ZNF667: variants seen among roughly 807,000 people sequenced by gnomAD.
ZNF667 encodes zinc finger protein 667, also known as myocardial ischemic preconditioning upregulated 1 ortholog.
ZNF667 carries 13 observed loss-of-function variants against 31.8 expected under a neutral mutation model. That is an observed-to-expected ratio of 0.41 (90% CI 0.27 to 0.65). ZNF667 has a LOEUF of 0.65. ZNF667 is among the 30% of genes least tolerant of loss of function. The pLI, the probability that ZNF667 is intolerant of heterozygous loss-of-function variation, is 0.32. For synonymous variants in ZNF667, 228 were observed against 247.1 expected (o/e 0.92, Z 0.73); for missense variants, 642 against 725.6 (o/e 0.88, Z 1.32).
chr19:56,461,743 G>A (rs1156588573), intron 4 of ZNF667, among the ~76,000 whole-genome samples: 2 of 152,210 alleles, frequency 1.3e-5, no homozygotes, highest in Non-Finnish European at 2.9e-5. Context: ...ATGCCTGTTG[G>A]AAAAACCACT....
intron 6 of ZNF667, chr19:56,449,299 C>T (rs2042769800): frequency 2.3e-6 from 1 of 436,032 alleles, no homozygotes; most frequent in Middle Eastern, 3.5e-4. Context: ...GAAAACATGA[C>T]CTCACCAAAT....
intron 4 of ZNF667, 81 bp from the exon 5 acceptor site, chr19:56,460,896 C>T (rs2043032031): frequency 1.7e-5 from 23 of 1,387,510 alleles, no homozygotes; most frequent in Non-Finnish European, 2.2e-5. Flanking sequence ...ACATCTTAAA[C>T]ATGGGAGACA....
intron 6 of ZNF667, among the ~76,000 whole-genome samples, chr19:56,444,557 AC>A (rs200338355): frequency 7.9e-4 from 104 of 132,342 alleles, no homozygotes; most frequent in African/African-American, 2.1e-3. Flanking sequence ...ATCACCTCCC[AC>A]CAGACCCCAC....
rs925267463 is a variant in ZNF667, at chr19:56,458,054, G to C, written c.253+101C>G. 2.9e-5 allele frequency: 31 copies of C among 1,058,646 alleles called. 1 individual carries two copies. The highest frequency in any genetic ancestry group is 2.5e-4 in the South Asian group (19 of 76,238). 65.6% of individuals were successfully genotyped at this position (1,058,646 alleles called of 1,614,324 possible). On this transcript the variant is annotated intron_variant, in intron 6 of 6. Transcript: ENST00000504904. ...TGGACTTCTCAGCCTCCAGAACTGT[G>C]AGAAGTAGATTTCTGGTGTTTGTAA...
chr19:56,449,299 C>A, intron 6 of ZNF667: 1 of 436,032 alleles, frequency 2.3e-6, no homozygotes, highest in Non-Finnish European at 4.6e-6. Flanking sequence ...GAAAACATGA[C>A]CTCACCAAAT....
chr19:56,463,173 G>A (rs2043085919), intron 3 of ZNF667, among the ~76,000 whole-genome samples: 1 of 152,116 alleles, frequency 6.6e-6, no homozygotes, highest in South Asian at 2.1e-4. Flanking sequence ...TGGGGGAGGA[G>A]GGGGAGCTGA....
rs745836141 is a variant in ZNF667 at position 56,462,706 on chromosome 19, AC to A, written c.-59-278del. ...CTGGCCATCCATCTGACAAGTATTT[AC>A]TGAGCACCTACTGGGTGTCCAGCTG... On this transcript the variant is annotated intron_variant, in intron 3 of 6. Coordinates refer to ENST00000504904, the MANE Select transcript of ZNF667 (RefSeq NM_001321356.2). Among the ~76,000 whole-genome samples, 9 of 152,312 alleles carry A rather than the reference AC, an allele frequency of 5.9e-5. No individual in the cohort carries two copies. The South Asian group carries it at 1.0e-3, about 18-fold the overall frequency.
chr19:56,455,243 T>G (rs563860956), intron 6 of ZNF667, among the ~76,000 whole-genome samples: 1 of 152,308 alleles, frequency 6.6e-6, no homozygotes, highest in South Asian at 2.1e-4. Flanking sequence ...GTACAGCCAC[T>G]ATTGACAACA....
chr19:56,442,064 T>C lies in ZNF667; in HGVS notation c.931A>G (p.Asn311Asp), dbSNP rs1191055994. 4 of 1,614,014 alleles carry C rather than the reference T, an allele frequency of 2.5e-6. No individual in the cohort carries two copies. The highest frequency in any genetic ancestry group is 3.4e-6 in the Non-Finnish European group (4 of 1,180,022). ...AGACTCTGACTTAAGGCCTTCGCAT[T>C]TTCAGGGATTTTCTCTCCAGCATGA... ...RIHAGEKIPENAKALSQSLQQ... is the reference protein window; with the variant it reads ...RIHAGEKIPEDAKALSQSLQQ... Residue 311 changes from asparagine to aspartate, a missense_variant, in exon 7 of 7, where the codon AAT (asparagine) becomes GAT (aspartate). Physicochemically the swap from Asn to Asp is conservative, Grantham distance 23. Transcript: ENST00000504904.
intron 6 of ZNF667, among the ~76,000 whole-genome samples, chr19:56,452,090 C>G (rs183021097): frequency 6.8e-6 from 1 of 147,766 alleles, no homozygotes; most frequent in East Asian, 2.0e-4. Context: ...CTCTTGTTGT[C>G]CAGGCTGGAG....
Position 56,476,148 on chromosome 19 carries a change from G to A in ZNF667, c.-662+1124C>T, listed in dbSNP as rs537302436. On this transcript the variant is annotated intron_variant, in intron 1 of 6. Coordinates refer to ENST00000504904, the MANE Select transcript of ZNF667 (RefSeq NM_001321356.2). The stretch of plus-strand genomic sequence containing the variant: ...TGGTGGACTTAAGTAAGCTCTCTCA[G>A]TCACACAGCCAGCCAGTGGTGAAAC... 2.0e-5 allele frequency among the ~76,000 whole-genome samples: 3 copies of A among 152,266 alleles called. No homozygotes were observed. The South Asian group carries it at 6.2e-4, about 32-fold the overall frequency.
At chr19:56,478,090 C>T (rs574401152), upstream of ZNF667, 3 of 152,482 alleles carry the variant, frequency 2.0e-5, no homozygotes, top group African/African-American at 7.2e-5. Flanking sequence ...CTACATTTCC[C>T]AACGGCCCCT....
intron 6 of ZNF667, among the ~76,000 whole-genome samples, chr19:56,445,162 T>G (rs372859396): frequency 5.0e-3 from 3 of 596 alleles, no homozygotes; most frequent in African/African-American, 0.019. Context: ...CAACACTGAG[T>G]ATTAAATTTC....
chr19:56,467,089 C>T (rs1348182361), intron 3 of ZNF667: 2 of 456,170 alleles, frequency 4.4e-6, no homozygotes, highest in Admixed American at 4.7e-5. Flanking sequence ...GGGCGGGGTC[C>T]CATGCAGGTG....
intron 6 of ZNF667, among the ~76,000 whole-genome samples, chr19:56,446,893 C>T (rs1399630334): frequency 6.6e-6 from 1 of 152,256 alleles, no homozygotes; most frequent in East Asian, 1.9e-4. Flanking sequence ...GCTTCCCTTC[C>T]TTTTCCTTTG....
At chr19:56,469,028 C>A (rs1418608847) in intron 3 of ZNF667, 1 of 152,258 alleles carries the variant, frequency 6.6e-6, no homozygotes, top group Non-Finnish European at 1.5e-5. Flanking sequence ...GACCCTTCCA[C>A]TATTTCCTTC....
chr19:56,450,560 A>C (rs1037515774), intron 6 of ZNF667, among the ~76,000 whole-genome samples: 1 of 152,210 alleles, frequency 6.6e-6, no homozygotes, highest in Non-Finnish European at 1.5e-5. Context: ...GTAACTGCAC[A>C]GATAAATACA....
In ZNF667 at chr19:56,472,800, C is replaced by T. The variant is rs935528423; in HGVS notation, c.-548-613G>A. ...ACCAGTAGACTATTAGTACTTAAGTCTTTGGGGAGTGAAAACTCTATGTGG... is the reference window on the plus strand; with the variant it reads ...ACCAGTAGACTATTAGTACTTAAGTTTTTGGGGAGTGAAAACTCTATGTGG... On this transcript the variant is annotated intron_variant, in intron 2 of 6. Coordinates refer to ENST00000504904, the MANE Select transcript of ZNF667 (RefSeq NM_001321356.2). 1.3e-5 allele frequency: 2 copies of T among 152,270 alleles called. 1 individual carries two copies. The highest frequency in any genetic ancestry group is 4.1e-4 in the South Asian group (2 of 4,824). 9.4% of individuals were successfully genotyped at this position (152,270 alleles called of 1,614,324 possible).
At chr19:56,459,311 C>A (rs1244499859) in intron 5 of ZNF667, among the ~76,000 whole-genome samples, 2 of 152,312 alleles carry the variant, frequency 1.3e-5, no homozygotes, top group South Asian at 2.1e-4. Context: ...CTGCTCCAGA[C>A]CCTCACCCTT....
Sources: gnomAD v4.1 joint callset for allele counts (sites outside exome capture counted in the v4.1 genomes callset) on GRCh38, gnomAD v4.1.1 for gene constraint, MANE v1.5 for transcripts, NCBI Gene and HGNC (gene_info 2026-07-23, HGNC 2026-07-21) for gene names.